Variants in SOX5 observed in about 807,000 individuals in gnomAD.
SOX5 encodes transcription factor SOX-5.
SOX5 carries 9 observed loss-of-function variants against 92.0 expected under a neutral mutation model. The ratio of observed to expected loss-of-function variants is 0.10; its 90% CI spans 0.06 to 0.17. The LOEUF (loss-of-function observed/expected upper bound fraction) is 0.17, where lower values mean the gene tolerates loss of function less well. SOX5 is among the 10% of genes least tolerant of loss of function. The pLI, the probability that SOX5 is intolerant of heterozygous loss-of-function variation, is 1.00. For missense variants in SOX5, 642 were observed against 944.5 expected, an observed-to-expected ratio of 0.68 and a Z score of 4.20; for synonymous variants, 344 against 336.3, an observed-to-expected ratio of 1.02 and a Z score of -0.25.
chr12:23,819,040 T>A (rs117779825), intron 3 of SOX5, among the ~76,000 whole-genome samples: 4,952 of 152,284 alleles, frequency 0.033, 139 homozygotes, highest in Admixed American at 0.086. Context: ...AGGAGTATAC[T>A]CTAAAATAAC....
intron 1 of SOX5, among the ~76,000 whole-genome samples, chr12:23,912,567 G>A (rs546439454): frequency 2.7e-4 from 41 of 152,154 alleles, no homozygotes; most frequent in South Asian, 4.2e-4. Flanking sequence ...TCATAATAGC[G>A]AAAAAGTGGA....
intron 2 of SOX5, among the ~76,000 whole-genome samples, chr12:24,355,285 T>TAA (rs1438549377): frequency 0.01 from 150 of 14,776 alleles, 5 homozygotes; most frequent in Middle Eastern, 0.071. Flanking sequence ...GGTGCATCTT[T>TAA]TTTTTTTTTT....
rs77952999 is a variant in SOX5, at chr12:24,131,465, G to A, written c.-2+81878C>T. Among the ~76,000 whole-genome samples, 869 of 152,160 alleles carry A rather than the reference G, an allele frequency of 5.7e-3. 8 individuals carry two copies. Among genetic ancestry groups the A allele is most frequent in the African/African-American group, 0.02 (810 of 41,514 alleles). On this transcript the variant is annotated intron_variant, in intron 4 of 4. Coordinates refer to the SOX5 transcript ENST00000446891. ...GTACGGCATCTATCACATAAATAAA[G>A]GCCCAATGATTGTTCATTGAACTTA...
chr12:23,559,117 A>C (rs576998304), intron 11 of SOX5, among the ~76,000 whole-genome samples: 2 of 152,284 alleles, frequency 1.3e-5, no homozygotes, highest in African/African-American at 4.8e-5. Flanking sequence ...AGGACAACAA[A>C]AACTGAGCTT....
chr12:23,833,913 C>T (rs1010012205), intron 3 of SOX5, among the ~76,000 whole-genome samples: 1 of 151,816 alleles, frequency 6.6e-6, no homozygotes, highest in Non-Finnish European at 1.5e-5. Flanking sequence ...GTTAGCAAGG[C>T]TACAAAATGT....
At chr12:24,021,324 T>C (rs960158500) in intron 4 of SOX5, among the ~76,000 whole-genome samples, 1 of 152,270 alleles carries the variant, frequency 6.6e-6, no homozygotes, top group African/African-American at 2.4e-5. Context: ...CCAGCAGTTC[T>C]AGTTTCACCC....
chr12:24,332,112 A>T (rs1397645530), intron 2 of SOX5, among the ~76,000 whole-genome samples: 1 of 152,152 alleles, frequency 6.6e-6, no homozygotes, highest in Non-Finnish European at 1.5e-5. Context: ...TTCTTAGAAC[A>T]CAAGAAAAAG....
At chr12:23,842,960 C>A (rs1405979472) in intron 3 of SOX5, among the ~76,000 whole-genome samples, 3 of 152,102 alleles carry the variant, frequency 2.0e-5, no homozygotes, top group Non-Finnish European at 4.4e-5. Context: ...TTGCAAAACA[C>A]TACTTGAGCC....
At chr12:24,294,940 C>T (rs1947029057) in intron 2 of SOX5, among the ~76,000 whole-genome samples, 1 of 152,084 alleles carries the variant, frequency 6.6e-6, no homozygotes, top group Non-Finnish European at 1.5e-5. Flanking sequence ...TCTTAACATC[C>T]ACAAAAGGTA....
At chr12:23,705,059 CAT>C (rs2091217266) in intron 6 of SOX5, among the ~76,000 whole-genome samples, 1 of 151,842 alleles carries the variant, frequency 6.6e-6, no homozygotes, top group African/African-American at 2.4e-5. Context: ...CAGAAACACT[CAT>C]AAACTAATTA....
At chr12:24,178,824 T>C (rs1017272479) in intron 4 of SOX5, among the ~76,000 whole-genome samples, 2 of 152,206 alleles carry the variant, frequency 1.3e-5, no homozygotes, top group Non-Finnish European at 2.9e-5. Flanking sequence ...GATCAAGCAA[T>C]AGTCCTATGA....
chr12:23,795,808 A>T (rs1235361001), intron 3 of SOX5, among the ~76,000 whole-genome samples: 6 of 152,160 alleles, frequency 3.9e-5, no homozygotes, highest in African/African-American at 1.4e-4. Flanking sequence ...ACACATATGT[A>T]TGTATATGAA....
At chr12:24,127,315 C>T (rs1232356430) in intron 4 of SOX5, among the ~76,000 whole-genome samples, 2 of 151,416 alleles carry the variant, frequency 1.3e-5, no homozygotes, top group East Asian at 1.9e-4. Context: ...TGCTTGAGCC[C>T]AGGAGGTGGG....
At chr12:23,966,477 A>T (rs1052739253) in intron 4 of SOX5, among the ~76,000 whole-genome samples, 1 of 150,356 alleles carries the variant, frequency 6.7e-6, no homozygotes, top group African/African-American at 2.5e-5. Flanking sequence ...ATGAAGAAAA[A>T]TATATTGAAC....
At chr12:23,754,274 C>T (rs1011633420) in intron 4 of SOX5, among the ~76,000 whole-genome samples, 2 of 151,772 alleles carry the variant, frequency 1.3e-5, no homozygotes. Flanking sequence ...AGGCAGTCTT[C>T]GCTGCTCTAC....
intron 4 of SOX5, among the ~76,000 whole-genome samples, chr12:23,989,939 A>G (rs1221585949): frequency 6.6e-6 from 1 of 152,184 alleles, no homozygotes; most frequent in Non-Finnish European, 1.5e-5. Context: ...GAAAGAGAAA[A>G]TATTCAGATA....
chr12:23,894,527 T>C (rs1290842841), intron 2 of SOX5, among the ~76,000 whole-genome samples: 1 of 152,028 alleles, frequency 6.6e-6, no homozygotes, highest in Non-Finnish European at 1.5e-5. Flanking sequence ...ACGCCCGACC[T>C]AAAACATTAT....
chr12:24,043,025 G>C (rs1260262888), intron 4 of SOX5, among the ~76,000 whole-genome samples: 4 of 152,150 alleles, frequency 2.6e-5, no homozygotes. Context: ...ATAACCTAAT[G>C]TTGGGGCATA....
At chr12:24,554,252 G>A (rs11047495) in intron 1 of SOX5, among the ~76,000 whole-genome samples, 64,778 of 152,038 alleles carry the variant, frequency 0.43, 17,207 homozygotes, top group Non-Finnish European at 0.61. Flanking sequence ...AAACCAGAAT[G>A]GGGATGAGCC....
Sources: allele counts gnomAD v4.1 joint callset (sites outside exome capture counted in the v4.1 genomes callset), GRCh38; gene constraint gnomAD v4.1.1; transcripts MANE v1.5; gene names NCBI Gene and HGNC (gene_info 2026-07-23, HGNC 2026-07-21).